GAL3ST2: variants seen among roughly 807,000 people sequenced by gnomAD.
GAL3ST2 encodes the protein galactose-3-O-sulfotransferase 2.
A neutral mutation model predicts 12.9 loss-of-function variants in GAL3ST2; 16 were observed. The ratio of observed to expected loss-of-function variants is 1.24; its 90% confidence interval spans 0.84 to 1.88. GAL3ST2 has a LOEUF of 1.88. GAL3ST2 is among the 40% of genes most tolerant of loss of function. GAL3ST2 has a pLI of 0.00. For missense variants in GAL3ST2, 639 were observed against 571.8 expected (o/e 1.12, Z -1.20); for synonymous variants, 302 against 273.9 (o/e 1.10, Z -1.01).
rs1023212761 is a variant in GAL3ST2, at chr2:241,801,697, C to T, written c.120-84C>T. The T allele has an allele frequency of 1.6e-4, 234 of 1,504,126 alleles. 1 individual carries two copies. The South Asian group carries it at 1.7e-3, about 11-fold the overall frequency. The allele number at this position is 1,504,126 out of a possible 1,614,324, so 93.2% of individuals were successfully genotyped here. A position where few individuals can be genotyped will look rare whatever the true frequency, so the allele number is the denominator to read the frequency against. On this transcript the variant is annotated intron_variant, in intron 2 of 3. Transcript: ENST00000192314. This position sits in a 1 kb window ranked among gnomAD's most constrained non-coding sequence, Gnocchi z 4.4. ...GCTCAGGTTGGGAGGTCTCTCCTTGCGGTTGCCGGGCTGGGGGTCGCTGTT... is the reference window on the plus strand; with the variant it reads ...GCTCAGGTTGGGAGGTCTCTCCTTGTGGTTGCCGGGCTGGGGGTCGCTGTT...
At position 241,804,144 on chromosome 2, in the gene GAL3ST2, A is replaced by G; in HGVS notation, c.1175A>G (p.Asn392Ser). Residue 392 changes from asparagine to serine, a missense_variant, in exon 4 of 4, where the codon AAC becomes AGC. Transcript: ENST00000192314. ...CAGTTCCCGGAGAAGCCCCTCAAGA[A>G]CATCCCGTTCCTGGGGGCGTAGAGG... ...ALQFPEKPLKNIPFLGA is the reference protein window; with the variant it reads ...ALQFPEKPLKSIPFLGA 1 of 1,462,278 alleles carries G rather than the reference A, an allele frequency of 6.8e-7. No individual in the cohort carries two copies. Among genetic ancestry groups the G allele is most frequent in the Non-Finnish European group, 9.1e-7 (1 of 1,101,130 alleles). 90.6% of individuals were successfully genotyped at this position (1,462,278 alleles called of 1,614,324 possible).
At position 241,803,658 on chromosome 2, in the gene GAL3ST2, T is replaced by C. The variant is rs1322878347; in HGVS notation, c.689T>C (p.Leu230Pro). 1.3e-6 allele frequency: 2 copies of C among 1,549,640 alleles called. No homozygotes were observed. Among genetic ancestry groups the C allele is most frequent in the Non-Finnish European group, 1.7e-6 (2 of 1,146,304 alleles). The change falls in exon 4 of 4, where the codon CTG (leucine) becomes CCG (proline). Residue 230 changes from leucine to proline, a missense_variant. Physicochemically the swap from Leu to Pro is moderately conservative, Grantham distance 98. Transcript: ENST00000192314. The stretch of plus-strand genomic sequence containing the variant: ...CGGCTGGTGCTCATCGCCGAGCACC[T>C]GGACGAGTCCCTGGTGCTGCTGCGG... ...RFRLVLIAEH[L>P]DESLVLLRRR...
intron 1 of GAL3ST2, among the ~76,000 whole-genome samples, chr2:241,786,697 T>C (rs928605526): frequency 9.2e-5 from 14 of 152,142 alleles, no homozygotes; most frequent in African/African-American, 3.4e-4. Flanking sequence ...GAGGGGGTGC[T>C]CCCAGACCTC....
intron 1 of GAL3ST2, among the ~76,000 whole-genome samples, chr2:241,788,435 T>C (rs754067757): frequency 6.6e-6 from 1 of 152,214 alleles, no homozygotes; most frequent in Admixed American, 6.5e-5. Flanking sequence ...AGGATCCTAA[T>C]TCTAGTTTGA....
At chr2:241,789,600 G>C (rs1490142101) in intron 1 of GAL3ST2, among the ~76,000 whole-genome samples, 1 of 152,182 alleles carries the variant, frequency 6.6e-6, no homozygotes, top group Non-Finnish European at 1.5e-5. Flanking sequence ...ATGTACTTCT[G>C]GCTGGGTGTG....
rs998396446 is a variant in GAL3ST2 at position 241,803,688 on chromosome 2, G to A, written c.719G>A (p.Arg240Gln). ...LDESLVLLRR[R>Q]LRWALDDVVA... ...GAGTCCCTGGTGCTGCTGCGGCGCC[G>A]GCTGCGCTGGGCGCTGGACGACGTG... Residue 240 changes from arginine to glutamine, a missense_variant, in exon 4 of 4, where the codon CGG becomes CAG. Physicochemically the swap from Arg to Gln is conservative, Grantham distance 43 (BLOSUM62 1). Coordinates refer to ENST00000192314, the MANE Select transcript of GAL3ST2 (RefSeq NM_022134.3). The A allele has an allele frequency of 9.1e-6, 14 of 1,545,432 alleles. 1 individual carries two copies. The highest frequency in any genetic ancestry group is 1.7e-4 in the Middle Eastern group (1 of 5,914).
intron 1 of GAL3ST2, among the ~76,000 whole-genome samples, chr2:241,778,699 C>T (rs34548317): frequency 0.04 from 6,121 of 152,116 alleles, 337 homozygotes; most frequent in East Asian, 0.15. Flanking sequence ...GTCCTGATGA[C>T]GTGTGCCCAA....
In GAL3ST2 at chr2:241,799,070, T is replaced by TC. The variant is rs762459933; in HGVS notation, c.37dup (p.Arg13ProfsTer35). On this transcript the variant is annotated frameshift_variant, in exon 2 of 4. Transcript: ENST00000192314. LOFTEE classifies it high-confidence loss of function. Reference sequence around the variant, plus strand: ...ATGGCCTGCCCTTTCCACAGATACTTCCGGGTCATCCTCCTCCTCCTCCTG... The same window carrying TC: ...ATGGCCTGCCCTTTCCACAGATACTTCCCGGGTCATCCTCCTCCTCCTCCTG... 6.2e-7 allele frequency: 1 copy of TC among 1,613,288 alleles called. No individual in the cohort carries two copies. The highest frequency in any genetic ancestry group is 1.7e-5 in the Admixed American group (1 of 60,004).
At chr2:241,794,347 C>T (rs1257037546) in intron 1 of GAL3ST2, among the ~76,000 whole-genome samples, 1 of 152,212 alleles carries the variant, frequency 6.6e-6, no homozygotes, top group Admixed American at 6.5e-5. Flanking sequence ...CCTGCAGGCG[C>T]TCACAGCTCA....
chr2:241,787,743 G>T (rs1397118099), intron 1 of GAL3ST2, among the ~76,000 whole-genome samples: 10 of 152,016 alleles, frequency 6.6e-5, no homozygotes, highest in Non-Finnish European at 1.5e-5. Flanking sequence ...ACTGAACTGG[G>T]GTTCTGTCTT....
At chr2:241,779,652 A>G (rs1699540744) in intron 1 of GAL3ST2, among the ~76,000 whole-genome samples, 1 of 152,040 alleles carries the variant, frequency 6.6e-6, no homozygotes, top group South Asian at 2.1e-4. Flanking sequence ...GATACAGGCC[A>G]CACTACTCTG....
intron 1 of GAL3ST2, among the ~76,000 whole-genome samples, chr2:241,792,782 G>A (rs1040960310): frequency 2.0e-5 from 3 of 152,166 alleles, no homozygotes; most frequent in Non-Finnish European, 4.4e-5. Flanking sequence ...TGAGCCCCCA[G>A]ATCACTATAA....
At chr2:241,798,719 G>A (rs1330833644) in intron 1 of GAL3ST2, among the ~76,000 whole-genome samples, 1 of 152,132 alleles carries the variant, frequency 6.6e-6, no homozygotes, top group African/African-American at 2.4e-5. Flanking sequence ...GTCTCCCAGG[G>A]GGCCCTGCGT....
At chr2:241,787,159 A>C (rs1195791365) in intron 1 of GAL3ST2, among the ~76,000 whole-genome samples, 1 of 152,160 alleles carries the variant, frequency 6.6e-6, no homozygotes, top group Non-Finnish European at 1.5e-5. Flanking sequence ...ACCAATGTTC[A>C]TCTTGCATAT....
intron 1 of GAL3ST2, among the ~76,000 whole-genome samples, chr2:241,781,731 A>G (rs1453176022): frequency 5.9e-5 from 9 of 152,378 alleles, no homozygotes; most frequent in African/African-American, 2.2e-4. Context: ...TGCTTCCTGT[A>G]TAACTTTTAT....
In GAL3ST2 at chr2:241,795,998, C is replaced by T. The variant is rs1349253466; in HGVS notation, c.30-3067C>T. Among the ~76,000 whole-genome samples, 2 of 152,198 alleles carry T rather than the reference C, an allele frequency of 1.3e-5. No homozygotes were observed. Among genetic ancestry groups the T allele is most frequent in the Non-Finnish European group, 2.9e-5 (2 of 68,038 alleles). Reference sequence around the variant, plus strand: ...CCTGTCCCGTCTCCTAGAAGCGTGGCTGTGGTGGCACTGGCATTGGAGTCT... The same window carrying T: ...CCTGTCCCGTCTCCTAGAAGCGTGGTTGTGGTGGCACTGGCATTGGAGTCT... On this transcript the variant is annotated intron_variant, in intron 1 of 3. Coordinates refer to ENST00000192314, the MANE Select transcript of GAL3ST2 (RefSeq NM_022134.3). The surrounding 1 kb of genome is among the most constrained non-coding windows in gnomAD (Gnocchi z 4.5).
Position 241,804,270 on chromosome 2 carries a change from C to G in GAL3ST2, c.*104C>G. The stretch of plus-strand genomic sequence containing the variant: ...GCAGGGCTTCTGGGGCGTTGGGAAA[C>G]CCAGGCCCGCCGGCCACGGCTCTAA... On this transcript the variant is annotated 3_prime_UTR_variant, in exon 4 of 4. Coordinates refer to ENST00000192314, the MANE Select transcript of GAL3ST2 (RefSeq NM_022134.3). 1.0e-6 allele frequency: 1 copy of G among 1,000,994 alleles called. No individual in the cohort carries two copies. Among genetic ancestry groups the G allele is most frequent in the Non-Finnish European group, 1.4e-6 (1 of 739,254 alleles). The allele number at this position is 1,000,994 out of a possible 1,614,324, so 62.0% of individuals were successfully genotyped here.
At chr2:241,790,948 G>C (rs369031235) in intron 1 of GAL3ST2, among the ~76,000 whole-genome samples, 1 of 152,202 alleles carries the variant, frequency 6.6e-6, no homozygotes, top group East Asian at 1.9e-4. Context: ...CAGGTCTTCA[G>C]ATAAACTCAA....
In GAL3ST2 at chr2:241,801,650, C is replaced by G. The variant is rs1194318368; in HGVS notation, c.120-131C>G. 2.4e-6 allele frequency: 3 copies of G among 1,256,926 alleles called. No homozygotes were observed. Among genetic ancestry groups the G allele is most frequent in the Non-Finnish European group, 3.2e-6 (3 of 925,660 alleles). The allele number at this position is 1,256,926 out of a possible 1,614,324, so 77.9% of individuals were successfully genotyped here. The stretch of plus-strand genomic sequence containing the variant: ...CATGGGTCGGTGCCTACCCAGTTGG[C>G]CCCCTGGCCTAGAGTTGGGGGGCTC... On this transcript the variant is annotated intron_variant, in intron 2 of 3. Coordinates refer to ENST00000192314, the MANE Select transcript of GAL3ST2 (RefSeq NM_022134.3). The surrounding 1 kb of genome is among the most constrained non-coding windows in gnomAD (Gnocchi z 4.4).
Sources: gnomAD v4.1 joint callset for allele counts (sites outside exome capture counted in the v4.1 genomes callset) on GRCh38, gnomAD v4.1.1 for gene constraint, Gnocchi (gnomAD v3.1) non-coding constraint, MANE v1.5 for transcripts, NCBI Gene and HGNC (gene_info 2026-07-23, HGNC 2026-07-21) for gene names.